KIF16B: variants seen among roughly 807,000 people sequenced by gnomAD.
KIF16B encodes the protein kinesin family member 16B.
Under a neutral mutation model 156.3 loss-of-function variants are expected in KIF16B, and 98 were observed. The observed-to-expected ratio is 0.63, with a 90% CI of 0.53 to 0.74. The LOEUF (loss-of-function observed/expected upper bound fraction) is 0.74, where lower values mean the gene tolerates loss of function less well. Ranked by LOEUF, KIF16B falls within the 30% of genes least tolerant of loss-of-function variation. The pLI is 0.00. For synonymous variants in KIF16B, 564 were observed against 583.7 expected, an observed-to-expected ratio of 0.97 and a Z score of 0.49; for missense variants, 1,421 against 1,606.5, an observed-to-expected ratio of 0.88 and a Z score of 1.97.
intron 12 of KIF16B, among the ~76,000 whole-genome samples, chr20:16,448,847 G>A (rs895690837): frequency 6.6e-6 from 1 of 150,716 alleles, no homozygotes; most frequent in South Asian, 2.1e-4. Context: ...AAGAAAACAT[G>A]ACCTTAAGAA....
intron 12 of KIF16B, among the ~76,000 whole-genome samples, chr20:16,446,256 C>CAGTT (rs2146564654): frequency 6.6e-6 from 1 of 152,338 alleles, no homozygotes; most frequent in Admixed American, 6.5e-5. Context: ...ACTATAAAGG[C>CAGTT]AGTTCCACTG....
intron 1 of KIF16B, among the ~76,000 whole-genome samples, chr20:16,570,796 G>A (rs1194766806): frequency 3.9e-5 from 6 of 152,064 alleles, no homozygotes; most frequent in African/African-American, 9.7e-5. Flanking sequence ...TGCTGTGCTG[G>A]TTCTCCTTTA....
rs184741074 is a variant in KIF16B, at chr20:16,370,645, A to G, written c.3448-9T>C. 1.4e-3 allele frequency: 2,171 copies of G among 1,580,764 alleles called. 16 individuals are homozygous for G. The Middle Eastern group carries it at 0.016, about 12-fold the overall frequency. ...TGAAGTTTCTCATTATCCTGAAAAG[A>G]AAAGAAAAAGCCCTCTATATTAAAT... On this transcript the variant is annotated splice_polypyrimidine_tract_variant and intron_variant, in intron 21 of 25. Transcript: ENST00000354981.
intron 25 of KIF16B, 35 bp from the exon 26 acceptor site, chr20:16,273,446 T>C (rs370210484): frequency 1.9e-5 from 30 of 1,606,660 alleles, no homozygotes; most frequent in African/African-American, 2.7e-5. Flanking sequence ...ACATGGTCAA[T>C]TGGGAGGTCA....
intron 17 of KIF16B, chr20:16,382,056 C>A: frequency 1.6e-6 from 2 of 1,235,046 alleles, no homozygotes; most frequent in Non-Finnish European, 2.2e-6. Context: ...CTACTCCATG[C>A]AGCTTAGCAC....
intron 1 of KIF16B, among the ~76,000 whole-genome samples, chr20:16,539,539 A>G (rs752899015): frequency 1.3e-5 from 2 of 152,098 alleles, no homozygotes; most frequent in Admixed American, 1.3e-4. Context: ...GCTGTTCAAA[A>G]GTGTATGACA....
In KIF16B at chr20:16,573,398, C is replaced by A; in HGVS notation, c.-123G>T. On this transcript the variant is annotated 5_prime_UTR_variant, in exon 1 of 26. Coordinates refer to ENST00000354981, the MANE Select transcript of KIF16B (RefSeq NM_024704.5). ...CCTCTCGCCCCCGCCCCTCTGCTCC[C>A]GGCCGGACCTGGAGTTCCGCGGCAG... The A allele has an allele frequency of 2.7e-6, 3 of 1,102,744 alleles. No individual in the cohort carries two copies. Among genetic ancestry groups the A allele is most frequent in the East Asian group, 2.6e-5 (1 of 37,858 alleles). 68.3% of individuals were successfully genotyped at this position (1,102,744 alleles called of 1,614,324 possible).
At chr20:16,442,727 T>A (rs1252396920) in intron 12 of KIF16B, among the ~76,000 whole-genome samples, 1 of 151,974 alleles carries the variant, frequency 6.6e-6, no homozygotes, top group Non-Finnish European at 1.5e-5. Flanking sequence ...CTCTAACAGG[T>A]GAGATGTTAG....
rs577731342 is a variant in KIF16B, at chr20:16,411,352, C to T, written c.1613-4896G>A. 3.9e-5 allele frequency among the ~76,000 whole-genome samples: 6 copies of T among 152,100 alleles called. No homozygotes were observed. The South Asian group carries it at 1.2e-3, about 32-fold the overall frequency. On this transcript the variant is annotated intron_variant, in intron 15 of 25. Transcript: ENST00000354981. ...TATTACTTTGAGCATAGAACTTAGC[C>T]TTCTGTTTCTTCAGGTCATATATGA...
chr20:16,298,543 T>C (rs553830419), intron 25 of KIF16B, among the ~76,000 whole-genome samples: 2 of 152,306 alleles, frequency 1.3e-5, no homozygotes, highest in East Asian at 3.9e-4. Flanking sequence ...TTTGTATTTA[T>C]GTGGGATCAG....
chr20:16,278,806 G>A (rs1039959730), intron 25 of KIF16B, among the ~76,000 whole-genome samples: 1 of 152,164 alleles, frequency 6.6e-6, no homozygotes, highest in Non-Finnish European at 1.5e-5. Context: ...CACAGCACCC[G>A]CCATCCCCTG....
chr20:16,409,948 C>CATAT (rs74175688), intron 15 of KIF16B, among the ~76,000 whole-genome samples: 13 of 54,930 alleles, frequency 2.4e-4, no homozygotes, highest in South Asian at 1.5e-3. Context: ...CACTTACCTA[C>CATAT]ATATATATAT....
At chr20:16,543,821 T>G (rs936761379) in intron 1 of KIF16B, among the ~76,000 whole-genome samples, 6 of 152,066 alleles carry the variant, frequency 3.9e-5, no homozygotes, top group African/African-American at 1.4e-4. Context: ...TCACCTCACA[T>G]GTAAAGAAAT....
At chr20:16,285,851 C>T (rs2063215055) in intron 25 of KIF16B, among the ~76,000 whole-genome samples, 2 of 151,960 alleles carry the variant, frequency 1.3e-5, no homozygotes, top group South Asian at 2.1e-4. Flanking sequence ...AAGCACCAAA[C>T]CCCCAAACCC....
In KIF16B at chr20:16,573,214, G is replaced by A. The variant is rs1476346260; in HGVS notation, c.47+15C>T. 1.3e-6 allele frequency: 2 copies of A among 1,579,380 alleles called. No homozygotes were observed. Among genetic ancestry groups the A allele is most frequent in the Non-Finnish European group, 1.7e-6 (2 of 1,162,986 alleles). ...GGGCGCGACGAGGGGGCGGGGCGCG[G>A]GCGGCCCCACTCACCTGCGATTCAT... is the stretch of plus-strand genomic sequence containing the variant. On this transcript the variant is annotated intron_variant, in intron 1 of 25. Transcript: ENST00000354981.
intron 12 of KIF16B, among the ~76,000 whole-genome samples, chr20:16,458,695 A>G (rs1463449384): frequency 1.3e-5 from 2 of 152,092 alleles, no homozygotes; most frequent in Non-Finnish European, 2.9e-5. Context: ...GAGTGGGAAC[A>G]GAGGGAAAGA....
Position 16,505,765 on chromosome 20 carries a change from T to C in KIF16B, c.957A>G (p.Leu319=). The change falls in exon 9 of 26, where the codon TTA becomes TTG. Residue 319 remains leucine (L), a synonymous_variant. Coordinates refer to ENST00000354981, the MANE Select transcript of KIF16B (RefSeq NM_024704.5). ...PYRDSVLTWL[L]KDSLGGNSKT... is the part of the protein sequence containing the mutation. Reference sequence around the variant, plus strand: ...TAGAGTTTCCTCCAAGGCTATCTTTTAACAACCAAGTCAACACAGAATCCC... The same window carrying C: ...TAGAGTTTCCTCCAAGGCTATCTTTCAACAACCAAGTCAACACAGAATCCC... The C allele has an allele frequency of 6.2e-7, 1 of 1,613,942 alleles. No individual in the cohort carries two copies. The highest frequency in any genetic ancestry group is 2.2e-5 in the East Asian group (1 of 44,858).
chr20:16,438,806 G>A (rs547624425), intron 12 of KIF16B, among the ~76,000 whole-genome samples: 7 of 152,240 alleles, frequency 4.6e-5, no homozygotes, highest in South Asian at 4.2e-4. Context: ...GAGTGACGAC[G>A]TGAATAAAAA....
chr20:16,541,116 G>A (rs747041595), intron 1 of KIF16B, among the ~76,000 whole-genome samples: 11 of 152,266 alleles, frequency 7.2e-5, no homozygotes, highest in Admixed American at 6.5e-4. Context: ...CCGAAACCAT[G>A]TCTTCCTGCT....
Sources: gnomAD v4.1 joint callset for allele counts (sites outside exome capture counted in the v4.1 genomes callset) on GRCh38, gnomAD v4.1.1 for gene constraint, MANE v1.5 for transcripts, NCBI Gene and HGNC (gene_info 2026-07-23, HGNC 2026-07-21) for gene names.